The following EVL variants were observed in gnomAD, a reference collection of about 807,000 sequenced individuals.
EVL encodes ena/VASP-like protein.
Under a neutral mutation model 59.6 loss-of-function variants are expected in EVL, and 21 were observed. The ratio of observed to expected loss-of-function variants is 0.35; its 90% CI spans 0.25 to 0.51. EVL has a LOEUF of 0.51. Among genes scored for constraint, EVL ranks in the 20% least tolerant of loss-of-function variants. EVL has a pLI of 0.97. For missense variants in EVL, 462 were observed against 546.6 expected, an observed-to-expected ratio of 0.85 and a Z score of 1.54; for synonymous variants, 198 against 203.5, an observed-to-expected ratio of 0.97 and a Z score of 0.23.
At chr14:100,051,666 C>G (rs1566985961) in intron 1 of EVL, among the ~76,000 whole-genome samples, 1 of 152,096 alleles carries the variant, frequency 6.6e-6, no homozygotes, top group Non-Finnish European at 1.5e-5. Context: ...GTAATTGTAA[C>G]TTGTTTATGG....
intron 3 of EVL, among the ~76,000 whole-genome samples, chr14:100,121,397 C>T (rs1595218409): frequency 6.6e-6 from 1 of 152,162 alleles, no homozygotes; most frequent in Non-Finnish European, 1.5e-5. Context: ...TGGACAGACC[C>T]CTGCGCCTTG....
intron 1 of EVL, among the ~76,000 whole-genome samples, chr14:100,074,120 T>C (rs953555196): frequency 6.6e-6 from 1 of 152,104 alleles, no homozygotes; most frequent in African/African-American, 2.4e-5. Context: ...GAGCGGGCCC[T>C]CAGTGACCTC....
chr14:100,062,429 TA>T (rs563713209), upstream of EVL, among the ~76,000 whole-genome samples: 24 of 144,168 alleles, frequency 1.7e-4, no homozygotes, highest in Admixed American at 2.1e-4. Flanking sequence ...GAAAGACCTC[TA>T]AAAAAAAAAG....
chr14:99,981,357 G>T (rs183542873), intron 1 of EVL, among the ~76,000 whole-genome samples: 6 of 152,124 alleles, frequency 3.9e-5, no homozygotes, highest in Non-Finnish European at 7.4e-5. Flanking sequence ...GCTTGAACCC[G>T]GGATGGGGAG....
At chr14:100,019,784 C>CAA in intron 1 of EVL, 1 of 1,201,162 alleles carries the variant, frequency 8.3e-7, no homozygotes, top group Non-Finnish European at 1.1e-6. Flanking sequence ...CTGGTTCTCA[C>CAA]AAAAAAAACA....
intron 1 of EVL, among the ~76,000 whole-genome samples, chr14:100,024,254 TG>T (rs780340551): frequency 6.6e-6 from 1 of 152,234 alleles, no homozygotes; most frequent in Non-Finnish European, 1.5e-5. Context: ...TGGTTTTTCT[TG>T]CCCTTTCACT....
At chr14:100,094,885 C>CA (rs1342063308) in intron 2 of EVL, among the ~76,000 whole-genome samples, 4 of 151,392 alleles carry the variant, frequency 2.6e-5, no homozygotes, top group Admixed American at 1.3e-4. Context: ...ACTAAAAATA[C>CA]AAAAAATTAG....
chr14:100,068,136 G>A (rs1365746957), intron 1 of EVL, among the ~76,000 whole-genome samples: 1 of 152,154 alleles, frequency 6.6e-6, no homozygotes, highest in East Asian at 1.9e-4. Flanking sequence ...CAGTGTGGTA[G>A]AGAGTGACTG....
At position 100,097,714 on chromosome 14, in the gene EVL, C is replaced by T. The variant is rs183748227; in HGVS notation, c.358+56C>T. The T allele has an allele frequency of 6.9e-4, 1,044 of 1,510,876 alleles. 11 individuals carry two copies. In the African/African-American group the frequency reaches 0.013, roughly 19 times the overall value. 93.6% of individuals were successfully genotyped at this position (1,510,876 alleles called of 1,614,324 possible). On this transcript the variant is annotated intron_variant, in intron 3 of 13. Coordinates refer to ENST00000392920, the MANE Select transcript of EVL (RefSeq NM_016337.3). ...GAGACCCTCTCTTGTTCTACCTCTG[C>T]CCTCCCACAGCTCTGGCTCTCCGGG...
chr14:100,054,515 G>C (rs2061696722), intron 1 of EVL, among the ~76,000 whole-genome samples: 1 of 152,052 alleles, frequency 6.6e-6, no homozygotes, highest in African/African-American at 2.4e-5. Flanking sequence ...TCCTTTATCT[G>C]ATGCGCACAC....
intron 1 of EVL, among the ~76,000 whole-genome samples, chr14:99,981,423 T>G (rs900676731): frequency 3.3e-5 from 5 of 152,104 alleles, no homozygotes; most frequent in Non-Finnish European, 7.4e-5. Flanking sequence ...AGAGTGAAAC[T>G]GTCTCAAAAA....
intron 1 of EVL, among the ~76,000 whole-genome samples, chr14:100,041,794 G>A (rs1595606883): frequency 1.3e-5 from 2 of 152,082 alleles, no homozygotes; most frequent in African/African-American, 4.8e-5. Context: ...GTATTTTTTG[G>A]TGAACTGTTT....
chr14:99,991,281 G>A (rs1016949024), intron 1 of EVL, among the ~76,000 whole-genome samples: 5 of 152,070 alleles, frequency 3.3e-5, no homozygotes, highest in African/African-American at 1.2e-4. Context: ...AGTACAGCTC[G>A]CTGCCAGTGC....
At position 100,084,784 on chromosome 14, in the gene EVL, C is replaced by T. The variant is rs762802555; in HGVS notation, c.109C>T (p.Arg37Trp). The change falls in exon 2 of 14, where the codon CGG (arginine) becomes TGG (tryptophan). Residue 37 changes from arginine (R) to tryptophan (W), a missense_variant. Physicochemically the swap from Arg to Trp is moderately radical, Grantham distance 101. Transcript: ENST00000392920. ...CAAACCTGGCCAGCAGGGATTCAGC[C>T]GGATCAACATCTACCACAACACTGC... ...PIKPGQQGFS[R>W]INIYHNTASN... is the part of the protein sequence containing the mutation. 3.7e-6 allele frequency: 6 copies of T among 1,614,148 alleles called. No individual in the cohort carries two copies. The highest frequency in any genetic ancestry group is 4.2e-6 in the Non-Finnish European group (5 of 1,180,032).
At chr14:100,069,454 C>T (rs1007516089) in intron 1 of EVL, among the ~76,000 whole-genome samples, 2 of 152,190 alleles carry the variant, frequency 1.3e-5, no homozygotes, top group Admixed American at 1.3e-4. Context: ...GGAGGAGTCT[C>T]CAGGAACACC....
chr14:100,040,430 C>G (rs958557273), intron 1 of EVL, among the ~76,000 whole-genome samples: 1 of 152,112 alleles, frequency 6.6e-6, no homozygotes, highest in Non-Finnish European at 1.5e-5. Flanking sequence ...GTCATTGTTT[C>G]CCCATGTTTT....
At chr14:100,061,120 G>T (rs951773350), upstream of EVL, among the ~76,000 whole-genome samples, 2 of 152,162 alleles carry the variant, frequency 1.3e-5, no homozygotes, top group Non-Finnish European at 2.9e-5. Flanking sequence ...GCCAGGCATG[G>T]TGGCTCACGC....
At chr14:100,099,700 G>A (rs73349523) in intron 3 of EVL, among the ~76,000 whole-genome samples, 5,104 of 151,042 alleles carry the variant, frequency 0.034, 285 homozygotes, top group African/African-American at 0.12. Flanking sequence ...AACTTACCTC[G>A]CCTGCCTCCA....
intron 1 of EVL, among the ~76,000 whole-genome samples, chr14:100,034,593 C>T (rs532112955): frequency 1.3e-5 from 2 of 151,724 alleles, no homozygotes; most frequent in East Asian, 1.9e-4. Flanking sequence ...AAAAATTAAC[C>T]GGGCATGGTG....
Sources: allele counts gnomAD v4.1 joint callset (sites outside exome capture counted in the v4.1 genomes callset), GRCh38; gene constraint gnomAD v4.1.1; transcripts MANE v1.5; gene names NCBI Gene and HGNC (gene_info 2026-07-23, HGNC 2026-07-21).